Variants in MPPE1 observed in about 807,000 individuals in gnomAD.
MPPE1 encodes the protein metallo phosphoesterase.
MPPE1 carries 28 observed loss-of-function variants against 43.8 expected under a neutral mutation model. That is an observed-to-expected ratio of 0.64 (90% CI 0.47 to 0.88). MPPE1 has a LOEUF of 0.88. MPPE1 is among the 40% of genes least tolerant of loss of function. MPPE1 has a pLI of 0.00. For synonymous variants in MPPE1, 159 were observed against 188.5 expected (o/e 0.84, Z 1.28); for missense variants, 428 against 492.2 (o/e 0.87, Z 1.23).
chr18:11,900,605 A>C (rs1392389372), intron 2 of MPPE1, among the ~76,000 whole-genome samples: 1 of 152,006 alleles, frequency 6.6e-6, no homozygotes, highest in Admixed American at 6.6e-5. Context: ...AAAACCTTTA[A>C]ACCTTACCTA....
chr18:11,903,317 G>T (rs1241796700), intron 2 of MPPE1, among the ~76,000 whole-genome samples: 3 of 152,166 alleles, frequency 2.0e-5, no homozygotes, highest in African/African-American at 2.4e-5. Flanking sequence ...GACCTTCTGG[G>T]GGCACTCCAC....
chr18:11,906,842 G>A (rs1432581764), intron 1 of MPPE1, among the ~76,000 whole-genome samples: 4 of 122,444 alleles, frequency 3.3e-5, no homozygotes, highest in South Asian at 2.5e-4. Context: ...CAACAAGAGC[G>A]AAACTCCGTC....
chr18:11,895,458 C>A (rs1001198713), intron 3 of MPPE1, among the ~76,000 whole-genome samples: 11 of 152,130 alleles, frequency 7.2e-5, no homozygotes, highest in Non-Finnish European at 1.5e-4. Flanking sequence ...CCCAAGTGAA[C>A]TGAATGGTAC....
At chr18:11,907,434 C>T (rs2039822557) in intron 1 of MPPE1, among the ~76,000 whole-genome samples, 1 of 152,212 alleles carries the variant, frequency 6.6e-6, no homozygotes, top group South Asian at 2.1e-4. Flanking sequence ...GACCACCTTG[C>T]GTACGCGTTC....
At position 11,884,958 on chromosome 18, in the gene MPPE1, G is replaced by T. The variant is rs1010817343; in HGVS notation, c.1009-331C>A. On this transcript the variant is annotated intron_variant, in intron 10 of 10. Transcript: ENST00000588072. Reference sequence around the variant, plus strand: ...CATAACAGAGATTCAGAGAGGCACCGTGGAGTTCCAGGGTCATCGGTCAGC... The same window carrying T: ...CATAACAGAGATTCAGAGAGGCACCTTGGAGTTCCAGGGTCATCGGTCAGC... 2.7e-5 allele frequency: 35 copies of T among 1,292,850 alleles called. No individual in the cohort carries two copies. In the African/African-American group the frequency reaches 5.3e-4, roughly 20 times the overall value. The allele number at this position is 1,292,850 out of a possible 1,614,324, so 80.1% of individuals were successfully genotyped here.
At chr18:11,885,462 C>A (rs1321017130) in intron 10 of MPPE1, 7 of 589,224 alleles carry the variant, frequency 1.2e-5, no homozygotes, top group East Asian at 6.0e-5. Flanking sequence ...GTGCCCTGCC[C>A]TCGCTTCTCA....
At chr18:11,894,431 C>CAAAA (rs66687820) in intron 3 of MPPE1, among the ~76,000 whole-genome samples, 50 of 65,102 alleles carry the variant, frequency 7.7e-4, no homozygotes, top group East Asian at 1.3e-3. Flanking sequence ...GACTCCATCT[C>CAAAA]AAAAAAAAAA....
At chr18:11,894,727 A>G (rs1263915006) in intron 3 of MPPE1, among the ~76,000 whole-genome samples, 3 of 151,980 alleles carry the variant, frequency 2.0e-5, no homozygotes, top group Non-Finnish European at 4.4e-5. Flanking sequence ...AGTAGCTGGG[A>G]TTACAGGCAT....
chr18:11,888,940 C>T (rs910642981), intron 5 of MPPE1, among the ~76,000 whole-genome samples, 197 bp from the exon 6 acceptor site: 1 of 152,196 alleles, frequency 6.6e-6, no homozygotes, highest in Non-Finnish European at 1.5e-5. Flanking sequence ...GCAAGTTACT[C>T]AGCTGCCCAG....
At position 11,888,662 on chromosome 18, in the gene MPPE1, TACTC is replaced by T. The variant is rs1374194124; in HGVS notation, c.569+3_569+6del. 2 of 1,569,240 alleles carry T rather than the reference TACTC, an allele frequency of 1.3e-6. No homozygotes were observed. The highest frequency in any genetic ancestry group is 2.2e-5 in the East Asian group (1 of 44,566). Reference sequence around the variant, plus strand: ...AGGTCTTGGAAGAATTTACAAATAATACTCACTTAATGCCTTTCCAAGAAAACAG... The same window carrying T: ...AGGTCTTGGAAGAATTTACAAATAATACTTAATGCCTTTCCAAGAAAACAG... On this transcript the variant is annotated splice_donor_5th_base_variant and intron_variant, in intron 6 of 10. Transcript: ENST00000588072.
In MPPE1 at chr18:11,886,840, G is replaced by A. The variant is rs149816079; in HGVS notation, c.679-62C>T. The A allele has an allele frequency of 1.8e-5, 29 of 1,597,530 alleles. 1 individual carries two copies. Among genetic ancestry groups the A allele is most frequent in the African/African-American group, 8.0e-5 (6 of 74,614 alleles). Reference sequence around the variant, plus strand: ...TGACCCTCATCAAAGGGCAAGAAGCGCTAGGGGGCTGAGTGAGCAACCGAA... The same window carrying A: ...TGACCCTCATCAAAGGGCAAGAAGCACTAGGGGGCTGAGTGAGCAACCGAA... On this transcript the variant is annotated intron_variant, in intron 7 of 10. Coordinates refer to ENST00000588072, the MANE Select transcript of MPPE1 (RefSeq NM_023075.6). This position sits in a 1 kb window ranked among gnomAD's most constrained non-coding sequence, Gnocchi z 4.1.
chr18:11,889,189 C>T (rs1302213619), intron 5 of MPPE1, among the ~76,000 whole-genome samples, 198 bp downstream of exon 5: 1 of 152,184 alleles, frequency 6.6e-6, no homozygotes, highest in Non-Finnish European at 1.5e-5. Context: ...ACAATTCATT[C>T]ATTCCACAGA....
At chr18:11,893,638 A>G in intron 3 of MPPE1, 62 bp from the exon 4 acceptor site, 2 of 1,304,468 alleles carry the variant, frequency 1.5e-6, no homozygotes, top group East Asian at 2.3e-5. Flanking sequence ...CTACTTCTGT[A>G]TTATGCACCA....
chr18:11,906,536 A>C (rs2039726962), intron 1 of MPPE1, among the ~76,000 whole-genome samples: 1 of 152,178 alleles, frequency 6.6e-6, no homozygotes, highest in South Asian at 2.1e-4. Context: ...GTGAATAATC[A>C]CTGCAAGCCA....
intron 6 of MPPE1, 62 bp from the exon 7 acceptor site, chr18:11,887,087 G>C: frequency 8.1e-7 from 1 of 1,234,500 alleles, no homozygotes; most frequent in Non-Finnish European, 1.2e-6. Context: ...TTTCCCTACT[G>C]TTCCCATGAA....
intron 1 of MPPE1, among the ~76,000 whole-genome samples, chr18:11,906,701 C>G (rs1268495776): frequency 2.6e-5 from 4 of 151,820 alleles, no homozygotes. Flanking sequence ...ACTAAAAATA[C>G]AAAATCAGCC....
intron 2 of MPPE1, among the ~76,000 whole-genome samples, chr18:11,901,571 T>C (rs574638707): frequency 2.7e-3 from 411 of 150,808 alleles, no homozygotes; most frequent in African/African-American, 9.3e-3. Context: ...CCTGGCACAG[T>C]GGCTCACAGC....
At position 11,882,695 on chromosome 18, in the gene MPPE1, A is replaced by C. The variant is rs1286190629; in HGVS notation, c.*1750T>G. ...AGTGAGACTCAGGCCAAAAAAAAAA[A>C]AAAAAAAAACCTTGACGTGTCAATG... On this transcript the variant is annotated 3_prime_UTR_variant, in exon 11 of 11. Coordinates refer to ENST00000588072, the MANE Select transcript of MPPE1 (RefSeq NM_023075.6). The C allele has an allele frequency of 6.6e-6, 1 of 151,886 alleles. No individual in the cohort carries two copies. Among genetic ancestry groups the C allele is most frequent in the Non-Finnish European group, 1.5e-5 (1 of 67,952 alleles). The allele number at this position is 151,886 out of a possible 1,614,324, so 9.4% of individuals were successfully genotyped here. A position where few individuals can be genotyped will look rare whatever the true frequency, so the allele number is the denominator to read the frequency against.
At chr18:11,889,174 C>A (rs111481379) in intron 5 of MPPE1, among the ~76,000 whole-genome samples, 3 of 152,150 alleles carry the variant, frequency 2.0e-5, no homozygotes, top group Non-Finnish European at 4.4e-5. Context: ...TTCCCAAGGG[C>A]ACATACAATT....
Sources: allele counts gnomAD v4.1 joint callset (sites outside exome capture counted in the v4.1 genomes callset), GRCh38; gene constraint gnomAD v4.1.1; non-coding constraint Gnocchi (gnomAD v3.1); transcripts MANE v1.5; gene names NCBI Gene and HGNC (gene_info 2026-07-23, HGNC 2026-07-21).